Variants in NETO2 observed in about 807,000 individuals in gnomAD.
NETO2 encodes neuropilin and tolloid like 2, also known as neuropilin and tolloid-like protein 2.
NETO2 carries 28 observed loss-of-function variants against 62.5 expected under a neutral mutation model. That is an observed-to-expected ratio of 0.45 (90% confidence interval 0.33 to 0.61). The LOEUF (loss-of-function observed/expected upper bound fraction) is 0.61, where lower values mean the gene tolerates loss of function less well. Ranked by LOEUF, NETO2 falls within the 20% of genes least tolerant of loss-of-function variation. The pLI is 0.02. For synonymous variants in NETO2, 214 were observed against 219.1 expected, an observed-to-expected ratio of 0.98 and a Z score of 0.21; for missense variants, 548 against 643.2, an observed-to-expected ratio of 0.85 and a Z score of 1.60.
At chr16:47,135,953 C>T (rs1964355156) in intron 1 of NETO2, among the ~76,000 whole-genome samples, 1 of 151,918 alleles carries the variant, frequency 6.6e-6, no homozygotes, top group Non-Finnish European at 1.5e-5. Context: ...AATAAATAAA[C>T]AATAAATATA....
In NETO2 at chr16:47,109,652, G is replaced by C; in HGVS notation, c.714C>G (p.Phe238Leu). The C allele has an allele frequency of 6.2e-7, 1 of 1,614,072 alleles. No homozygotes were observed. Among genetic ancestry groups the C allele is most frequent in the Non-Finnish European group, 8.5e-7 (1 of 1,179,988 alleles). ...AACTGCTTCCATCATAGACTGCAAC[G>C]AAGTTTCTCTTGCATTCATTTGAGT... ...MEHSNECKRN[F>L]VAVYDGSSSI... Residue 238 changes from phenylalanine (F) to leucine (L), a missense_variant, in exon 7 of 9, where the codon TTC becomes TTG. Physicochemically the swap from Phe to Leu is conservative, Grantham distance 22. Transcript: ENST00000562435.
At chr16:47,136,742 C>G (rs981580066) in intron 1 of NETO2, among the ~76,000 whole-genome samples, 3 of 151,950 alleles carry the variant, frequency 2.0e-5, no homozygotes, top group African/African-American at 7.3e-5. Flanking sequence ...TATTTGAAAT[C>G]CTTGGTGAAA....
rs1963112760 is a variant in NETO2, at chr16:47,083,428, C to A, written c.1371G>T (p.Met457Ile). 1 of 1,614,072 alleles carries A rather than the reference C, an allele frequency of 6.2e-7. No individual in the cohort carries two copies. Among genetic ancestry groups the A allele is most frequent in the African/African-American group, 1.3e-5 (1 of 74,920 alleles). The change falls in exon 9 of 9, where the codon ATG (methionine) becomes ATT (isoleucine). Residue 457 changes from methionine (M) to isoleucine (I), a missense_variant. By Grantham distance (10) the Met-to-Ile change is conservative (BLOSUM62 1). Transcript: ENST00000562435. ...CAAAGTCATTTCGGAAAGGAAGTTC[C>A]ATGGAACTGAGGTTGGTCCTGCTTT... Reference protein sequence around the residue: ...VKQSRTNLSSMELPFRNDFAQ... With the variant: ...VKQSRTNLSSIELPFRNDFAQ...
chr16:47,109,751 T>C (rs373839711), intron 6 of NETO2, 40 bp from the exon 7 acceptor site: 68 of 1,397,592 alleles, frequency 4.9e-5, no homozygotes, highest in Non-Finnish European at 4.7e-5. Flanking sequence ...TAAAAAGATA[T>C]ATTAATTTGA....
At chr16:47,140,879 T>C (rs1394754426) in intron 1 of NETO2, among the ~76,000 whole-genome samples, 1 of 152,202 alleles carries the variant, frequency 6.6e-6, no homozygotes. Flanking sequence ...CAGCTTGAAA[T>C]ATTGCTGAGT....
intron 6 of NETO2, among the ~76,000 whole-genome samples, chr16:47,113,527 AGTTTATCCCTTTTTATT>A (rs1292303370): frequency 3.4e-5 from 5 of 148,884 alleles, no homozygotes; most frequent in Non-Finnish European, 4.5e-5. Context: ...ATGTAGCTGT[AGTTTATCCCTTTTTATT>A]GTTGAATAGA....
intron 1 of NETO2, among the ~76,000 whole-genome samples, chr16:47,132,304 A>G (rs1012185630): frequency 2.6e-5 from 4 of 152,114 alleles, no homozygotes; most frequent in African/African-American, 9.7e-5. Flanking sequence ...TTTGTTTAAA[A>G]AAAAAAAAAC....
Position 47,143,697 on chromosome 16 carries a change from G to C in NETO2, c.-85C>G. On this transcript the variant is annotated 5_prime_UTR_variant, in exon 1 of 9. Coordinates refer to ENST00000562435, the MANE Select transcript of NETO2 (RefSeq NM_018092.5). ...CTCACGGCTCGGCGCGGCGGCGACG[G>C]CCCCACTCCGTCCCCATCGCCGGCC... is the stretch of plus-strand genomic sequence containing the variant. 1 of 1,209,998 alleles carries C rather than the reference G, an allele frequency of 8.3e-7. No homozygotes were observed. Among genetic ancestry groups the C allele is most frequent in the Non-Finnish European group, 1.0e-6 (1 of 972,978 alleles). 75.0% of individuals were successfully genotyped at this position (1,209,998 alleles called of 1,614,324 possible). A position where few individuals can be genotyped will look rare whatever the true frequency, so the allele number is the denominator to read the frequency against.
At chr16:47,114,979 T>G (rs1196015832) in intron 6 of NETO2, among the ~76,000 whole-genome samples, 2 of 152,190 alleles carry the variant, frequency 1.3e-5, no homozygotes, top group Non-Finnish European at 2.9e-5. Context: ...GAGGTTCAAT[T>G]GTTCCAGCAC....
chr16:47,096,733 T>A (rs1297216835), intron 7 of NETO2, among the ~76,000 whole-genome samples: 1 of 152,212 alleles, frequency 6.6e-6, no homozygotes, highest in African/African-American at 2.4e-5. Context: ...CACCAATCAG[T>A]TGATTCCTGG....
At chr16:47,133,570 G>C (rs919493207) in intron 1 of NETO2, among the ~76,000 whole-genome samples, 1 of 143,336 alleles carries the variant, frequency 7.0e-6, no homozygotes, top group Admixed American at 7.0e-5. Flanking sequence ...ATAACATAAA[G>C]TAACATAAAA....
At chr16:47,138,177 G>A (rs543028512) in intron 1 of NETO2, among the ~76,000 whole-genome samples, 3 of 152,254 alleles carry the variant, frequency 2.0e-5, no homozygotes, top group African/African-American at 4.8e-5. Flanking sequence ...TGAGGTGGGC[G>A]GGTCATGAGG....
chr16:47,143,754 C>T lies in NETO2; in HGVS notation c.-142G>A. On this transcript the variant is annotated 5_prime_UTR_variant, in exon 1 of 9. Coordinates refer to ENST00000562435, the MANE Select transcript of NETO2 (RefSeq NM_018092.5). ...TGCCTCCCCGCTCCCCTGAGGAGAG[C>T]TCAGGTCCTGCGGCCCGCCATGCCC... 2 of 1,109,628 alleles carry T rather than the reference C, an allele frequency of 1.8e-6. No individual in the cohort carries two copies. Among genetic ancestry groups the T allele is most frequent in the South Asian group, 4.6e-5 (1 of 21,832 alleles). 68.7% of individuals were successfully genotyped at this position (1,109,628 alleles called of 1,614,324 possible). A position where few individuals can be genotyped will look rare whatever the true frequency, so the allele number is the denominator to read the frequency against.
chr16:47,112,607 G>C (rs1236467532), intron 6 of NETO2, among the ~76,000 whole-genome samples: 1 of 152,166 alleles, frequency 6.6e-6, no homozygotes, highest in African/African-American at 2.4e-5. Flanking sequence ...TGATCCGCCT[G>C]CCTCAGACTC....
At position 47,116,274 on chromosome 16, in the gene NETO2, T is replaced by C. The variant is rs1403330032; in HGVS notation, c.654+6383A>G. On this transcript the variant is annotated intron_variant, in intron 6 of 8. Transcript: ENST00000562435. ...CAGCTGGAACTATGGATGCATGCCA[T>C]TGTGCCTGGTTTAGCTGGTAGGTTT... Among the ~76,000 whole-genome samples the C allele has an allele frequency of 3.9e-5, 6 of 152,074 alleles. No individual in the cohort carries two copies. In the East Asian group the frequency reaches 7.7e-4, roughly 20 times the overall value.
intron 1 of NETO2, among the ~76,000 whole-genome samples, chr16:47,143,292 T>C (rs1455437823): frequency 6.6e-6 from 1 of 151,988 alleles, no homozygotes; most frequent in African/African-American, 2.4e-5. Flanking sequence ...AGGGCCCTGC[T>C]GGGCCCAGGG....
chr16:47,104,834 C>G (rs541923863), intron 7 of NETO2, among the ~76,000 whole-genome samples: 43 of 152,264 alleles, frequency 2.8e-4, no homozygotes, highest in African/African-American at 8.7e-4. Context: ...ACTGTCCTGC[C>G]TCAGCCTCCT....
intron 1 of NETO2, among the ~76,000 whole-genome samples, chr16:47,136,554 C>T (rs1315157399): frequency 6.6e-6 from 1 of 152,208 alleles, no homozygotes; most frequent in Non-Finnish European, 1.5e-5. Context: ...TACAGGCATG[C>T]GCCACCACGG....
intron 7 of NETO2, among the ~76,000 whole-genome samples, chr16:47,097,093 G>A (rs1033496100): frequency 2.6e-5 from 4 of 152,088 alleles, no homozygotes; most frequent in South Asian, 2.1e-4. Flanking sequence ...TAAAACTGGC[G>A]GCCATTTGGG....
Sources: gnomAD v4.1 joint callset for allele counts (sites outside exome capture counted in the v4.1 genomes callset) on GRCh38, gnomAD v4.1.1 for gene constraint, MANE v1.5 for transcripts, NCBI Gene and HGNC (gene_info 2026-07-23, HGNC 2026-07-21) for gene names.